Variants in SGCD observed in about 807,000 individuals in gnomAD.
SGCD encodes the protein sarcoglycan delta, also known as delta-sarcoglycan.
SGCD carries 18 observed loss-of-function variants against 36.6 expected under a neutral mutation model. The ratio of observed to expected loss-of-function variants is 0.49; its 90% confidence interval spans 0.34 to 0.73. The LOEUF (loss-of-function observed/expected upper bound fraction) is 0.73. Ranked by LOEUF, SGCD falls within the 30% of genes least tolerant of loss-of-function variation. SGCD has a pLI of 0.01. For missense variants in SGCD, 387 were observed against 346.7 expected (o/e 1.12, Z -0.92); for synonymous variants, 133 against 130.6 (o/e 1.02, Z -0.12).
the SGCD span, among the ~76,000 whole-genome samples, chr5:155,807,497 TA>T: frequency 6.6e-6 from 1 of 152,244 alleles, no homozygotes; most frequent in Non-Finnish European, 1.5e-5. Context: ...ATTGTGTGTT[TA>T]AAAATTAAAA....
chr5:156,675,273 T>C (rs1220356104), intron 7 of SGCD, among the ~76,000 whole-genome samples: 1 of 152,238 alleles, frequency 6.6e-6, no homozygotes, highest in African/African-American at 2.4e-5. Flanking sequence ...CTTCAAACAT[T>C]ACCTAGAATG....
At chr5:156,170,416 A>G (rs1763314415) in intron 3 of SGCD, among the ~76,000 whole-genome samples, 1 of 152,172 alleles carries the variant, frequency 6.6e-6, no homozygotes, top group Non-Finnish European at 1.5e-5. Context: ...AAAAATCATA[A>G]AGCCTTTGGC....
chr5:156,173,784 T>G (rs1763396771), intron 3 of SGCD, among the ~76,000 whole-genome samples: 1 of 151,782 alleles, frequency 6.6e-6, no homozygotes, highest in South Asian at 2.1e-4. Context: ...CTTGTTATAC[T>G]TACCTTGACC....
the SGCD span, among the ~76,000 whole-genome samples, chr5:155,844,666 G>A: frequency 1.3e-5 from 2 of 152,054 alleles, no homozygotes; most frequent in East Asian, 3.8e-4. Flanking sequence ...AGGAAGCTTG[G>A]TGCTGTCCTG....
chr5:156,705,470 A>G, intron 7 of SGCD, among the ~76,000 whole-genome samples: 1 of 152,170 alleles, frequency 6.6e-6, no homozygotes, highest in East Asian at 1.9e-4. Context: ...CTGCTGGAAT[A>G]TCAGCAATTG....
At chr5:156,653,536 C>T (rs1249080606) in intron 7 of SGCD, among the ~76,000 whole-genome samples, 3 of 82,986 alleles carry the variant, frequency 3.6e-5, no homozygotes, top group Non-Finnish European at 7.0e-5. Context: ...TGTGGTAGCC[C>T]GGACTGAGTC....
At chr5:156,097,053 A>G (rs565371594) in intron 1 of SGCD, among the ~76,000 whole-genome samples, 1 of 152,016 alleles carries the variant, frequency 6.6e-6, no homozygotes, top group East Asian at 1.9e-4. Context: ...ATGGTTTCAG[A>G]TGAGAAATCT....
intron 4 of SGCD, among the ~76,000 whole-genome samples, chr5:156,560,844 A>G (rs193114858): frequency 1.3e-5 from 2 of 152,264 alleles, no homozygotes; most frequent in Non-Finnish European, 1.5e-5. Flanking sequence ...GTCAGTTTAT[A>G]TATTTGATCT....
intron 1 of SGCD, among the ~76,000 whole-genome samples, chr5:156,011,997 C>G (rs1484051258): frequency 3.3e-5 from 5 of 152,174 alleles, no homozygotes; most frequent in African/African-American, 4.8e-5. Flanking sequence ...TAAAATATAT[C>G]TAAAACCTTA....
intron 1 of SGCD, among the ~76,000 whole-genome samples, chr5:155,973,895 T>G (rs1190652485): frequency 1.3e-5 from 2 of 152,216 alleles, no homozygotes; most frequent in Admixed American, 1.3e-4. Context: ...TATAAATCTG[T>G]GTGATCTGTT....
At chr5:155,908,219 CG>C (rs1161319573) in intron 1 of SGCD, among the ~76,000 whole-genome samples, 10 of 152,138 alleles carry the variant, frequency 6.6e-5, no homozygotes, top group South Asian at 2.1e-4. Flanking sequence ...AAAACCAAAA[CG>C]GTTGTTACTC....
At chr5:156,440,189 A>T (rs1205846557) in intron 3 of SGCD, among the ~76,000 whole-genome samples, 1 of 152,068 alleles carries the variant, frequency 6.6e-6, no homozygotes, top group African/African-American at 2.4e-5. Context: ...GTCTCTATGA[A>T]TTTACCTATT....
intron 3 of SGCD, among the ~76,000 whole-genome samples, chr5:156,144,990 T>C (rs1035058622): frequency 1.3e-5 from 2 of 152,198 alleles, no homozygotes; most frequent in Admixed American, 1.3e-4. Flanking sequence ...TGTATTTTGA[T>C]ATGTCAGAAT....
intron 4 of SGCD, among the ~76,000 whole-genome samples, chr5:156,552,988 A>T (rs1758856937): frequency 6.6e-6 from 1 of 152,148 alleles, no homozygotes; most frequent in African/African-American, 2.4e-5. Flanking sequence ...CATGATTCTG[A>T]TGGTTGGCAA....
intron 4 of SGCD, among the ~76,000 whole-genome samples, chr5:156,572,500 A>G (rs1759764105): frequency 1.3e-5 from 2 of 152,002 alleles, no homozygotes; most frequent in Admixed American, 1.3e-4. Flanking sequence ...CCGGGTTTCC[A>G]TTTGTTGTTG....
chr5:156,207,179 C>T (rs1471322346), intron 3 of SGCD, among the ~76,000 whole-genome samples: 3 of 151,984 alleles, frequency 2.0e-5, no homozygotes, highest in Non-Finnish European at 4.4e-5. Flanking sequence ...GAGGGTATGA[C>T]TTCTACTCTT....
At chr5:156,286,215 T>C (rs373601645) in intron 3 of SGCD, among the ~76,000 whole-genome samples, 1 of 152,086 alleles carries the variant, frequency 6.6e-6, no homozygotes, top group African/African-American at 2.4e-5. Flanking sequence ...AACACTTTTA[T>C]ACTGTTGATG....
At chr5:156,516,492 C>T (rs1425397125) in intron 4 of SGCD, among the ~76,000 whole-genome samples, 1 of 152,088 alleles carries the variant, frequency 6.6e-6, no homozygotes, top group Admixed American at 6.6e-5. Context: ...AAAAAAATAC[C>T]CACAAAACCC....
the SGCD span, among the ~76,000 whole-genome samples, chr5:155,844,196 G>A: frequency 2.0e-5 from 3 of 152,016 alleles, no homozygotes; most frequent in Non-Finnish European, 1.5e-5. Context: ...TGTCTTCTCT[G>A]CACAGAGACA....
Sources: gnomAD v4.1 joint callset for allele counts (sites outside exome capture counted in the v4.1 genomes callset) on GRCh38, gnomAD v4.1.1 for gene constraint, MANE v1.5 for transcripts, NCBI Gene and HGNC (gene_info 2026-07-23, HGNC 2026-07-21) for gene names.